Variants in RAP1A observed in about 807,000 individuals in gnomAD.
RAP1A encodes the protein ras-related protein Rap-1A.
In RAP1A, 6 loss-of-function variants were observed where a neutral mutation model predicts 26.4. The observed-to-expected ratio is 0.23, with a 90% CI of 0.12 to 0.45. RAP1A has a LOEUF of 0.45. Among genes scored for constraint, RAP1A ranks in the 20% least tolerant of loss-of-function variants. The pLI is 0.99. For missense variants in RAP1A, 121 were observed against 217.2 expected, an observed-to-expected ratio of 0.56 and a Z score of 2.78; for synonymous variants, 73 against 79.4, an observed-to-expected ratio of 0.92 and a Z score of 0.43.
intron 1 of RAP1A, among the ~76,000 whole-genome samples, chr1:111,580,663 A>G (rs1474093149): frequency 6.6e-6 from 1 of 152,124 alleles, no homozygotes; most frequent in Non-Finnish European, 1.5e-5. Flanking sequence ...CCTGGCCAAG[A>G]TGGTGAAACC....
intron 1 of RAP1A, among the ~76,000 whole-genome samples, chr1:111,597,243 T>C (rs918819761): frequency 9.2e-5 from 14 of 152,218 alleles, no homozygotes; most frequent in African/African-American, 3.4e-4. Flanking sequence ...AACTTTATTT[T>C]TCTTACTTCT....
intron 1 of RAP1A, among the ~76,000 whole-genome samples, chr1:111,675,204 G>A (rs192026487): frequency 5.9e-5 from 9 of 152,152 alleles, no homozygotes; most frequent in East Asian, 5.8e-4. Flanking sequence ...GTCCTGGGCC[G>A]GGTGTGGTGG....
intron 2 of RAP1A, among the ~76,000 whole-genome samples, chr1:111,693,897 C>CCT (rs1661750001): frequency 6.9e-6 from 1 of 145,534 alleles, no homozygotes; most frequent in African/African-American, 2.5e-5. Flanking sequence ...ATTAGACTGC[C>CCT]TTTTTTTTTT....
chr1:111,672,153 CT>C (rs1660995350), intron 1 of RAP1A, among the ~76,000 whole-genome samples: 1 of 152,154 alleles, frequency 6.6e-6, no homozygotes, highest in African/African-American at 2.4e-5. Flanking sequence ...CTGGTTTTGT[CT>C]TCCCTTTCTG....
intron 1 of RAP1A, among the ~76,000 whole-genome samples, chr1:111,623,111 G>T (rs1241962128): frequency 6.6e-6 from 1 of 150,402 alleles, no homozygotes; most frequent in Non-Finnish European, 1.5e-5. Flanking sequence ...TCTGCCTCCT[G>T]GGTTCAAGCG....
chr1:111,544,295 T>C (rs938053983), intron 1 of RAP1A, among the ~76,000 whole-genome samples: 3 of 152,212 alleles, frequency 2.0e-5, no homozygotes, highest in Non-Finnish European at 4.4e-5. Flanking sequence ...CAGTAATTTT[T>C]AGTATATTCA....
rs1196338843 is a variant in RAP1A at position 111,713,454 on chromosome 1, C to T, written c.*1053C>T. On this transcript the variant is annotated 3_prime_UTR_variant, in exon 8 of 8. Coordinates refer to ENST00000369709, the MANE Select transcript of RAP1A (RefSeq NM_002884.4). Reference sequence around the variant, plus strand: ...ATACTGTATCAGGGTTTAACTTTTACTATTTCAGATCTTCCACAGCTTGTA... The same window carrying T: ...ATACTGTATCAGGGTTTAACTTTTATTATTTCAGATCTTCCACAGCTTGTA... The T allele has an allele frequency of 6.6e-6, 1 of 152,092 alleles. No homozygotes were observed. The highest frequency in any genetic ancestry group is 2.4e-5 in the African/African-American group (1 of 41,422). 9.4% of individuals were successfully genotyped at this position (152,092 alleles called of 1,614,324 possible).
At chr1:111,677,580 G>C (rs1472019578) in intron 1 of RAP1A, among the ~76,000 whole-genome samples, 3 of 152,170 alleles carry the variant, frequency 2.0e-5, no homozygotes, top group Non-Finnish European at 4.4e-5. Flanking sequence ...CTTCAAAGGT[G>C]GTTCACTAAC....
intron 1 of RAP1A, among the ~76,000 whole-genome samples, chr1:111,554,985 C>A (rs1657421369): frequency 6.6e-6 from 1 of 151,398 alleles, no homozygotes; most frequent in African/African-American, 2.4e-5. Context: ...TTATTAATGG[C>A]TACAGAATAT....
chr1:111,607,447 A>G (rs868626402), intron 1 of RAP1A, among the ~76,000 whole-genome samples: 67 of 152,228 alleles, frequency 4.4e-4, no homozygotes, highest in Admixed American at 1.8e-3. Flanking sequence ...CGATTTCTCA[A>G]TCTTTCCCCC....
At chr1:111,679,107 G>A (rs935586141) in intron 1 of RAP1A, among the ~76,000 whole-genome samples, 1 of 152,150 alleles carries the variant, frequency 6.6e-6, no homozygotes, top group South Asian at 2.1e-4. Flanking sequence ...TAAGATGGCC[G>A]AATAGGAACA....
In RAP1A at chr1:111,653,056, A is replaced by G. The variant is rs368241787; in HGVS notation, c.-28+33122A>G. Reference sequence around the variant, plus strand: ...AATAAACAAAATGTGATATAGCCATACAATGGAATATGATTTAGCCATAAA... The same window carrying G: ...AATAAACAAAATGTGATATAGCCATGCAATGGAATATGATTTAGCCATAAA... On this transcript the variant is annotated intron_variant, in intron 1 of 7. Coordinates refer to ENST00000369709, the MANE Select transcript of RAP1A (RefSeq NM_002884.4). 1.7e-4 allele frequency among the ~76,000 whole-genome samples: 26 copies of G among 152,354 alleles called. No individual in the cohort carries two copies. The East Asian group carries it at 4.2e-3, about 25-fold the overall frequency.
intron 1 of RAP1A, among the ~76,000 whole-genome samples, chr1:111,669,040 A>AAAAAAAAAAAAAAAAAAAAAAAAAG (rs1557885164): frequency 7.1e-6 from 1 of 140,468 alleles, no homozygotes; most frequent in Non-Finnish European, 1.5e-5. Flanking sequence ...AAAAAAAAAA[A>AAAAAAAAAAAAAAAAAAAAAAAAAG]AAAAAAAAGA....
At position 111,587,112 on chromosome 1, in the gene RAP1A, A is replaced by G. The variant is rs143222065; in HGVS notation, c.-28+44603A>G. ...TCCTCCTTGTCCTTGTTTTTCCACCATTCTATGACATCCCATCCCTGCATA... is the reference window on the plus strand; with the variant it reads ...TCCTCCTTGTCCTTGTTTTTCCACCGTTCTATGACATCCCATCCCTGCATA... On this transcript the variant is annotated intron_variant, in intron 1 of 7. Coordinates refer to the RAP1A transcript ENST00000356415. Among the ~76,000 whole-genome samples, 4 of 152,096 alleles carry G rather than the reference A, an allele frequency of 2.6e-5. No individual in the cohort carries two copies. In the East Asian group the frequency reaches 7.8e-4, roughly 29 times the overall value.
At position 111,589,015 on chromosome 1, in the gene RAP1A, G is replaced by T. The variant is rs1275497006; in HGVS notation, c.-28+46506G>T. Among the ~76,000 whole-genome samples the T allele has an allele frequency of 2.0e-5, 3 of 152,280 alleles. No individual in the cohort carries two copies. The East Asian group carries it at 5.8e-4, about 29-fold the overall frequency. ...TGATAACAGTGAAAGAACTGTAAAA[G>T]AAGTGCTTTATTATAATTAGATATC... On this transcript the variant is annotated intron_variant, in intron 1 of 7. Transcript: ENST00000356415.
At chr1:111,564,224 A>G (rs1288527889) in intron 1 of RAP1A, among the ~76,000 whole-genome samples, 1 of 152,174 alleles carries the variant, frequency 6.6e-6, no homozygotes, top group Non-Finnish European at 1.5e-5. Context: ...AAACATTGAA[A>G]TTTCTGGAAC....
In RAP1A at chr1:111,655,860, G is replaced by GT. The variant is rs1296036512; in HGVS notation, c.-27-35468dup. ...GGCTAATTTTTTTGTTTGTTTTTTT[G>GT]TTTTTTGTATTTTTAGTAGAGACGG... On this transcript the variant is annotated intron_variant, in intron 1 of 7. Coordinates refer to ENST00000369709, the MANE Select transcript of RAP1A (RefSeq NM_002884.4). 6.6e-5 allele frequency among the ~76,000 whole-genome samples: 10 copies of GT among 151,262 alleles called. No individual in the cohort carries two copies. The East Asian group carries it at 7.8e-4, about 12-fold the overall frequency.
At chr1:111,594,192 T>C (rs1200973487) in intron 1 of RAP1A, among the ~76,000 whole-genome samples, 2 of 152,104 alleles carry the variant, frequency 1.3e-5, no homozygotes, top group South Asian at 4.1e-4. Flanking sequence ...AAATTTGATC[T>C]TGAGAGGAAG....
rs537162951 is a variant in RAP1A, at chr1:111,653,847, T to C, written c.-28+33913T>C. On this transcript the variant is annotated intron_variant, in intron 1 of 7. Transcript: ENST00000369709. ...TGAATTAATGGATACAACTCTGAGG[T>C]TGGGGCTTGAAATGCACCTCAAAAG... 3.3e-5 allele frequency among the ~76,000 whole-genome samples: 5 copies of C among 152,110 alleles called. No individual in the cohort carries two copies. The East Asian group carries it at 9.7e-4, about 29-fold the overall frequency.
Sources: gnomAD v4.1 joint callset for allele counts (sites outside exome capture counted in the v4.1 genomes callset) on GRCh38, gnomAD v4.1.1 for gene constraint, MANE v1.5 for transcripts, NCBI Gene and HGNC (gene_info 2026-07-23, HGNC 2026-07-21) for gene names.